The following ADARB2 variants were observed in gnomAD, a reference collection of about 807,000 sequenced individuals.
The protein encoded by ADARB2 is inactive double-stranded RNA-specific editase B2.
A neutral mutation model predicts 62.2 loss-of-function variants in ADARB2; 25 were observed. That is an observed-to-expected ratio of 0.40 (90% confidence interval 0.29 to 0.56). The LOEUF (loss-of-function observed/expected upper bound fraction) is 0.56, where lower values mean the gene tolerates loss of function less well. ADARB2 is among the 20% of genes least tolerant of loss of function. ADARB2 has a pLI of 0.43. For missense variants in ADARB2, 1,071 were observed against 1,077.4 expected (o/e 0.99, Z 0.08); for synonymous variants, 572 against 500.8 (o/e 1.14, Z -1.90).
At chr10:1,596,730 G>A (rs900827347) in intron 1 of ADARB2, among the ~76,000 whole-genome samples, 21 of 152,320 alleles carry the variant, frequency 1.4e-4, no homozygotes, top group East Asian at 5.8e-4. Flanking sequence ...GAGCACAACC[G>A]GACAGAAGCA....
At chr10:1,663,047 T>G (rs949775762) in intron 1 of ADARB2, among the ~76,000 whole-genome samples, 1 of 152,236 alleles carries the variant, frequency 6.6e-6, no homozygotes, top group Non-Finnish European at 1.5e-5. Context: ...TTAGCTGCAA[T>G]GTTCAATTGA....
intron 1 of ADARB2, among the ~76,000 whole-genome samples, chr10:1,626,584 T>C (rs562836429): frequency 1.3e-5 from 2 of 152,286 alleles, no homozygotes; most frequent in Admixed American, 1.3e-4. Context: ...AGGCCATCCG[T>C]GAGGCAGACT....
chr10:1,351,021 A>G (rs980195719), intron 3 of ADARB2, among the ~76,000 whole-genome samples: 17 of 152,062 alleles, frequency 1.1e-4, no homozygotes, highest in African/African-American at 3.9e-4. Flanking sequence ...GAAGCTTGCT[A>G]CAAGTGCCAG....
chr10:1,600,351 G>C (rs1158031530), intron 1 of ADARB2, among the ~76,000 whole-genome samples: 1 of 152,070 alleles, frequency 6.6e-6, no homozygotes. Context: ...ACACCTGATA[G>C]AGGATGGATA....
intron 4 of ADARB2, among the ~76,000 whole-genome samples, chr10:1,260,665 A>G (rs1271631585): frequency 6.6e-6 from 1 of 151,488 alleles, no homozygotes; most frequent in Non-Finnish European, 1.5e-5. Flanking sequence ...ATACAAACAA[A>G]TGGAAGAACA....
chr10:1,527,475 G>A (rs958676923), intron 1 of ADARB2, among the ~76,000 whole-genome samples: 4 of 152,110 alleles, frequency 2.6e-5, no homozygotes, highest in African/African-American at 7.2e-5. Context: ...TTTAAATCAA[G>A]CAAACACAAT....
chr10:1,726,125 T>A (rs143784413), intron 1 of ADARB2, among the ~76,000 whole-genome samples: 187 of 152,316 alleles, frequency 1.2e-3, no homozygotes, highest in African/African-American at 3.6e-3. Flanking sequence ...GCAGCCAATA[T>A]TCCTGTGGCC....
rs1213450624 is a variant in ADARB2 at position 1,363,771 on chromosome 10, T to G, written c.334A>C (p.Lys112Gln). 3.7e-6 allele frequency: 6 copies of G among 1,603,300 alleles called. No individual in the cohort carries two copies. Among genetic ancestry groups the G allele is most frequent in the Non-Finnish European group, 5.1e-6 (6 of 1,179,254 alleles). Residue 112 changes from lysine (K) to glutamine (Q), a missense_variant, in exon 3 of 10, where the codon AAA becomes CAA. By Grantham distance (53) the Lys-to-Gln change is moderately conservative. Transcript: ENST00000381312. ...LEEGNGGHLC[K>Q]LQLVWKKLSW... ...AGCTTCTTCCAGACCAGCTGCAGTT[T>G]GCACAAGTGGCCCCCATTCCCCTCC...
intron 1 of ADARB2, among the ~76,000 whole-genome samples, chr10:1,540,529 T>C (rs12243697): frequency 0.34 from 20,054 of 58,130 alleles, 2,515 homozygotes; most frequent in East Asian, 0.52. Context: ...CACTCAGACG[T>C]AGTTCAGACC....
chr10:1,702,575 C>T (rs767066815), intron 1 of ADARB2, among the ~76,000 whole-genome samples: 11 of 152,220 alleles, frequency 7.2e-5, no homozygotes, highest in South Asian at 2.1e-4. Flanking sequence ...ATTGTCCAAG[C>T]GATGGCTGCT....
chr10:1,655,003 G>A lies in ADARB2; in HGVS notation c.100+82048C>T, dbSNP rs145360586. On this transcript the variant is annotated intron_variant, in intron 1 of 9. Coordinates refer to ENST00000381312, the MANE Select transcript of ADARB2 (RefSeq NM_018702.4). ...GGAGCCATCAGCACAGCAGGCAGGC[G>A]TGAGGGTGAGGACGCGGTCGGGAGG... Among the ~76,000 whole-genome samples the A allele has an allele frequency of 3.4e-3, 517 of 152,340 alleles. 1 individual carries two copies. The highest frequency in any genetic ancestry group is 6.8e-3 in the Middle Eastern group (2 of 294).
At chr10:1,512,312 C>A (rs1831947453) in intron 1 of ADARB2, among the ~76,000 whole-genome samples, 1 of 152,150 alleles carries the variant, frequency 6.6e-6, no homozygotes, top group Admixed American at 6.5e-5. Context: ...ACACTGGATA[C>A]CAAGACATTG....
At chr10:1,266,511 T>TGGGGGGGGGGGGG (rs782182369) in intron 4 of ADARB2, among the ~76,000 whole-genome samples, 29 of 128,422 alleles carry the variant, frequency 2.3e-4, no homozygotes, top group African/African-American at 2.8e-4. Flanking sequence ...TGGTGGGGGG[T>TGGGGGGGGGGGGG]GGGGGGGGGG....
At chr10:1,470,234 A>G (rs1588269661) in intron 1 of ADARB2, among the ~76,000 whole-genome samples, 1 of 152,192 alleles carries the variant, frequency 6.6e-6, no homozygotes, top group East Asian at 1.9e-4. Flanking sequence ...CAGTCAGATT[A>G]AAAAATAAGT....
intron 1 of ADARB2, among the ~76,000 whole-genome samples, chr10:1,531,380 C>T (rs181442552): frequency 3.4e-4 from 52 of 152,360 alleles, no homozygotes; most frequent in Middle Eastern, 3.4e-3. Flanking sequence ...AGATTCAAAT[C>T]TTTCTGGGCC....
intron 1 of ADARB2, among the ~76,000 whole-genome samples, chr10:1,641,233 G>C (rs1030739209): frequency 6.6e-6 from 1 of 152,268 alleles, no homozygotes; most frequent in South Asian, 2.1e-4. Flanking sequence ...TCTGAATCTA[G>C]CATTGACAAA....
chr10:1,375,846 A>G (rs1024647028), intron 2 of ADARB2, among the ~76,000 whole-genome samples: 4 of 146,464 alleles, frequency 2.7e-5, no homozygotes, highest in East Asian at 4.1e-4. Flanking sequence ...CACCGCACAC[A>G]TGCACACACA....
intron 1 of ADARB2, among the ~76,000 whole-genome samples, chr10:1,586,020 C>A (rs186711656): frequency 6.6e-6 from 1 of 152,004 alleles, no homozygotes; most frequent in East Asian, 1.9e-4. Context: ...GGTGACAGAG[C>A]GAGACTCCAT....
chr10:1,266,782 C>T (rs905099766), intron 4 of ADARB2, among the ~76,000 whole-genome samples: 1 of 152,176 alleles, frequency 6.6e-6, no homozygotes, highest in African/African-American at 2.4e-5. Flanking sequence ...CAGGGCGTCT[C>T]CTCAGAGGAG....
Sources: allele counts gnomAD v4.1 joint callset (sites outside exome capture counted in the v4.1 genomes callset), GRCh38; gene constraint gnomAD v4.1.1; transcripts MANE v1.5; gene names NCBI Gene and HGNC (gene_info 2026-07-23, HGNC 2026-07-21).